Variants in LUZP1 observed in about 807,000 individuals in gnomAD.
LUZP1 encodes the protein leucine zipper protein 1, also known as filamin mechanobinding actin cross-linking protein.
LUZP1 carries 25 observed loss-of-function variants against 71.3 expected under a neutral mutation model. That is an observed-to-expected ratio of 0.35 (90% CI 0.26 to 0.49). The LOEUF (loss-of-function observed/expected upper bound fraction) is 0.49, where lower values mean the gene tolerates loss of function less well. Ranked by LOEUF, LUZP1 falls within the 20% of genes least tolerant of loss-of-function variation. The pLI, the probability that LUZP1 is intolerant of heterozygous loss-of-function variation, is 0.99. For synonymous variants in LUZP1, 481 were observed against 506.4 expected (o/e 0.95, Z 0.67); for missense variants, 1,142 against 1,300.8 (o/e 0.88, Z 1.88).
intron 2 of LUZP1, among the ~76,000 whole-genome samples, chr1:23,167,356 C>T (rs1189608772): frequency 6.6e-6 from 1 of 152,170 alleles, no homozygotes; most frequent in Non-Finnish European, 1.5e-5. Context: ...GCAAACCCCA[C>T]CCCTCAAAAC....
chr1:23,089,298 C>T (rs532681172), intron 4 of LUZP1, among the ~76,000 whole-genome samples: 2 of 152,264 alleles, frequency 1.3e-5, no homozygotes, highest in South Asian at 4.1e-4. Context: ...GGAGGAGGCT[C>T]ACAACTCAAC....
In LUZP1 at chr1:23,093,434, T is replaced by A. The variant is rs1643875075; in HGVS notation, c.828A>T (p.Glu276Asp). 1 of 1,613,498 alleles carries A rather than the reference T, an allele frequency of 6.2e-7. No homozygotes were observed. Among genetic ancestry groups the A allele is most frequent in the Non-Finnish European group, 8.5e-7 (1 of 1,179,886 alleles). ...CTTCCTGATTGCGGTTCTTTTCATT[T>A]TCTGATTTGTTTCTTGTTTCATTCT... Residue 276 changes from glutamate to aspartate, a missense_variant, in exon 4 of 5, where the codon GAA becomes GAT. Glu to Asp is a conservative substitution (Grantham distance 45). Transcript: ENST00000302291. This position sits in a 1 kb window ranked among gnomAD's most constrained non-coding sequence, Gnocchi z 4.2.
At chr1:23,095,541 G>A (rs1320622388) in intron 3 of LUZP1, among the ~76,000 whole-genome samples, 5 of 152,174 alleles carry the variant, frequency 3.3e-5, no homozygotes, top group African/African-American at 1.2e-4. Flanking sequence ...GAACCAAGGA[G>A]TTTGGGTTCT....
At chr1:23,156,082 C>T (rs1438122707) in intron 2 of LUZP1, among the ~76,000 whole-genome samples, 2 of 152,112 alleles carry the variant, frequency 1.3e-5, no homozygotes, top group East Asian at 3.9e-4. Context: ...CTGTAGAAAG[C>T]CTATGCAAAT....
chr1:23,135,379 C>T (rs1054979515), intron 2 of LUZP1, among the ~76,000 whole-genome samples: 20 of 152,176 alleles, frequency 1.3e-4, no homozygotes, highest in African/African-American at 4.8e-4. Flanking sequence ...TAGGAATATT[C>T]TACACTTGTA....
At chr1:23,113,657 G>A (rs1274114321) in intron 2 of LUZP1, among the ~76,000 whole-genome samples, 1 of 152,042 alleles carries the variant, frequency 6.6e-6, no homozygotes, top group Non-Finnish European at 1.5e-5. Flanking sequence ...CGAGGCAGGC[G>A]GATCACGAGA....
chr1:23,103,179 C>T (rs1444905343), intron 3 of LUZP1, among the ~76,000 whole-genome samples: 1 of 151,804 alleles, frequency 6.6e-6, no homozygotes, highest in African/African-American at 2.4e-5. Context: ...TCAAGCCATC[C>T]TCCCACTTCG....
chr1:23,088,751 C>T, exon 5 of LUZP1: 2 of 1,205,334 alleles, frequency 1.7e-6, no homozygotes, highest in Non-Finnish European at 2.3e-6. Flanking sequence ...CAAAAATTAC[C>T]TGAGCCACAG....
At chr1:23,100,703 G>A (rs1481205364) in intron 3 of LUZP1, among the ~76,000 whole-genome samples, 1 of 152,210 alleles carries the variant, frequency 6.6e-6, no homozygotes, top group African/African-American at 2.4e-5. Flanking sequence ...TTAGGGGAAA[G>A]ACAACAGGGG....
chr1:23,109,604 C>T (rs1001411689), intron 2 of LUZP1: 1 of 152,148 alleles, frequency 6.6e-6, no homozygotes, highest in Non-Finnish European at 1.5e-5. Flanking sequence ...TCTGATAGGT[C>T]GCAGTCAAAA....
At chr1:23,092,073 A>G in exon 4 of LUZP1, 1 of 1,614,014 alleles carries the variant, frequency 6.2e-7, no homozygotes, top group Non-Finnish European at 8.5e-7. Context: ...GGTATCTGGG[A>G]GCTCCATGGT....
At chr1:23,091,161 A>G in intron 4 of LUZP1, 29 bp downstream of exon 3, 1 of 1,564,150 alleles carries the variant, frequency 6.4e-7, no homozygotes, top group Non-Finnish European at 8.6e-7. Context: ...GAGGGAGAAA[A>G]GAGAGAGGGG....
At chr1:23,172,202 AG>A (rs1170064061) in intron 1 of LUZP1, among the ~76,000 whole-genome samples, 1 of 152,182 alleles carries the variant, frequency 6.6e-6, no homozygotes, top group Non-Finnish European at 1.5e-5. Context: ...CATTAGTAAA[AG>A]GAAAGGAATA....
chr1:23,088,712 G>A, exon 5 of LUZP1: 1 of 690,426 alleles, frequency 1.4e-6, no homozygotes, highest in African/African-American at 1.8e-5. Flanking sequence ...TGTCCAGCTT[G>A]TAGTCTCTGA....
rs780483973 is a variant in LUZP1, at chr1:23,092,551, G to A, written c.1711C>T (p.Arg571Ter). 3.1e-6 allele frequency: 5 copies of A among 1,614,168 alleles called. No individual in the cohort carries two copies. Among genetic ancestry groups the A allele is most frequent in the African/African-American group, 2.7e-5 (2 of 75,026 alleles). Reference sequence around the variant, plus strand: ...GAGAGCCCTTCTGAGGAGGATCTTCGAGATGAGGCCAGGGCTCCAATGGCC... The same window carrying A: ...GAGAGCCCTTCTGAGGAGGATCTTCAAGATGAGGCCAGGGCTCCAATGGCC... The change falls in exon 4 of 5, where the codon CGA becomes TGA. Residue 571 changes from arginine to a stop codon, truncating the protein, a stop_gained. Coordinates refer to ENST00000302291, the Ensembl canonical transcript of LUZP1. LOFTEE classifies it high-confidence loss of function.
At position 23,154,112 on chromosome 1, in the gene LUZP1, T is replaced by C. The variant is rs114982984; in HGVS notation, c.-226+14654A>G. ...ACTACAGACTACCACTTACAGAACA[T>C]TCTGGAAAAGGCAAAACGATAGGAA... On this transcript the variant is annotated intron_variant, in intron 2 of 4. Transcript: ENST00000302291. Among the ~76,000 whole-genome samples the C allele has an allele frequency of 9.0e-3, 1,363 of 152,196 alleles. 4 individuals carry two copies. The highest frequency in any genetic ancestry group is 0.015 in the Non-Finnish European group (1,020 of 68,000).
In LUZP1 at chr1:23,159,488, CTG is replaced by C. The variant is rs780090405; in HGVS notation, c.-226+9276_-226+9277del. Among the ~76,000 whole-genome samples, 6 of 152,308 alleles carry C rather than the reference CTG, an allele frequency of 3.9e-5. No individual in the cohort carries two copies. In the East Asian group the frequency reaches 1.2e-3, roughly 29 times the overall value. On this transcript the variant is annotated intron_variant, in intron 2 of 4. Coordinates refer to ENST00000302291, the Ensembl canonical transcript of LUZP1. ...GCTTGTGACACTGGATATCTAGCTT[CTG>C]TGTGTACCAGTTCCTCATCTGTAAA...
intron 2 of LUZP1, chr1:23,164,016 C>T (rs562865573): frequency 2.6e-5 from 4 of 152,176 alleles, no homozygotes; most frequent in African/African-American, 9.7e-5. Context: ...GCATGTCCCC[C>T]GCTCAAGGAG....
Position 23,093,634 on chromosome 1 carries a change from A to C in LUZP1, c.628T>G (p.Leu210Val). The C allele has an allele frequency of 6.2e-7, 1 of 1,610,772 alleles. No individual in the cohort carries two copies. Among genetic ancestry groups the C allele is most frequent in the Non-Finnish European group, 8.5e-7 (1 of 1,179,342 alleles). The stretch of plus-strand genomic sequence containing the variant: ...AGTTTTTGAGTGAGTTCTTTTATCA[A>C]TTTCTCATTTTCTTTCTCCTTTTCA... The change falls in exon 4 of 5, where the codon TTG becomes GTG. Residue 210 changes from leucine to valine, a missense_variant. Physicochemically the swap from Leu to Val is conservative, Grantham distance 32. Coordinates refer to ENST00000302291, the Ensembl canonical transcript of LUZP1. This position sits in a 1 kb window ranked among gnomAD's most constrained non-coding sequence, Gnocchi z 4.2.
Sources: gnomAD v4.1 joint callset for allele counts (sites outside exome capture counted in the v4.1 genomes callset) on GRCh38, gnomAD v4.1.1 for gene constraint, Gnocchi (gnomAD v3.1) non-coding constraint, MANE v1.5 for transcripts, NCBI Gene and HGNC (gene_info 2026-07-23, HGNC 2026-07-21) for gene names.